Variants in ADARB2 observed in about 807,000 individuals in gnomAD.
ADARB2 encodes inactive double-stranded RNA-specific editase B2.
In ADARB2, 25 loss-of-function variants were observed where a neutral mutation model predicts 62.2. The ratio of observed to expected loss-of-function variants is 0.40; its 90% CI spans 0.29 to 0.56. The LOEUF (loss-of-function observed/expected upper bound fraction) is 0.56. Ranked by LOEUF, ADARB2 falls within the 20% of genes least tolerant of loss-of-function variation. The pLI is 0.43. For missense variants in ADARB2, 1,071 were observed against 1,077.4 expected (o/e 0.99, Z 0.08); for synonymous variants, 572 against 500.8 (o/e 1.14, Z -1.90).
chr10:1,556,628 A>T (rs762536598), intron 1 of ADARB2: 1 of 527,594 alleles, frequency 1.9e-6, no homozygotes, highest in East Asian at 5.5e-5. Context: ...GGATGCCCTG[A>T]TGTCTGTTCT....
intron 3 of ADARB2, among the ~76,000 whole-genome samples, chr10:1,282,568 G>A (rs563912385): frequency 1.3e-5 from 2 of 152,280 alleles, no homozygotes; most frequent in African/African-American, 4.8e-5. Flanking sequence ...TAACACTAGG[G>A]ATGTTTAATG....
chr10:1,663,913 T>G (rs890742356), intron 1 of ADARB2, among the ~76,000 whole-genome samples: 1 of 152,210 alleles, frequency 6.6e-6, no homozygotes, highest in African/African-American at 2.4e-5. Flanking sequence ...CCACCACGCC[T>G]GGCCAGGTCA....
At chr10:1,508,068 G>T (rs1176654075) in intron 1 of ADARB2, among the ~76,000 whole-genome samples, 2 of 152,292 alleles carry the variant, frequency 1.3e-5, no homozygotes, top group African/African-American at 4.8e-5. Context: ...CACAATTCCC[G>T]AGTGGTGCGT....
chr10:1,332,933 G>T (rs1008673150), intron 3 of ADARB2, among the ~76,000 whole-genome samples: 8 of 152,066 alleles, frequency 5.3e-5, no homozygotes, highest in African/African-American at 1.7e-4. Flanking sequence ...CCCCATCCCC[G>T]CAATCAATGG....
intron 7 of ADARB2, among the ~76,000 whole-genome samples, chr10:1,211,245 GTCA>G (rs1170521234): frequency 6.6e-6 from 1 of 151,776 alleles, no homozygotes; most frequent in African/African-American, 2.4e-5. Context: ...TCTATTATCT[GTCA>G]TCTGTTATCA....
intron 1 of ADARB2, among the ~76,000 whole-genome samples, chr10:1,416,966 G>A (rs1046101199): frequency 5.3e-5 from 8 of 152,218 alleles, no homozygotes; most frequent in African/African-American, 1.7e-4. Flanking sequence ...CAGACCCCCC[G>A]GCTTAGGAGT....
chr10:1,526,318 G>A (rs1832141366), intron 1 of ADARB2, among the ~76,000 whole-genome samples: 2 of 152,044 alleles, frequency 1.3e-5, no homozygotes, highest in African/African-American at 4.8e-5. Flanking sequence ...TGTAGAGGAG[G>A]CAAGGAGCTG....
chr10:1,570,877 C>T (rs146576998), intron 1 of ADARB2, among the ~76,000 whole-genome samples: 8 of 152,096 alleles, frequency 5.3e-5, no homozygotes, highest in East Asian at 1.9e-4. Context: ...TCCTGGAAAC[C>T]GGAGGACTTG....
At chr10:1,543,507 G>A (rs574772448) in intron 1 of ADARB2, among the ~76,000 whole-genome samples, 1 of 152,190 alleles carries the variant, frequency 6.6e-6, no homozygotes, top group Non-Finnish European at 1.5e-5. Context: ...GGACAATTTA[G>A]ACATTGCAGT....
chr10:1,555,724 C>G (rs1163627242), intron 1 of ADARB2, among the ~76,000 whole-genome samples: 1 of 152,216 alleles, frequency 6.6e-6, no homozygotes, highest in Admixed American at 6.5e-5. Context: ...CACCTGAGGT[C>G]AGGAGTTCGA....
chr10:1,527,770 G>A (rs979240544), intron 1 of ADARB2, among the ~76,000 whole-genome samples: 2 of 152,148 alleles, frequency 1.3e-5, no homozygotes, highest in Admixed American at 1.3e-4. Context: ...CAGGAGAGCC[G>A]TCCAGCGTGA....
At chr10:1,400,393 G>A (rs904049302) in intron 1 of ADARB2, among the ~76,000 whole-genome samples, 2 of 152,216 alleles carry the variant, frequency 1.3e-5, no homozygotes, top group African/African-American at 4.8e-5. Context: ...ACACATCGTG[G>A]TGAATCGCTG....
At chr10:1,706,542 G>A (rs1834892075) in intron 1 of ADARB2, among the ~76,000 whole-genome samples, 1 of 152,316 alleles carries the variant, frequency 6.6e-6, no homozygotes. Context: ...TCCAAATGGT[G>A]TTCCAGGAGA....
At chr10:1,411,123 G>A (rs556654173) in intron 1 of ADARB2, among the ~76,000 whole-genome samples, 30 of 152,298 alleles carry the variant, frequency 2.0e-4, no homozygotes, top group Middle Eastern at 6.8e-3. Flanking sequence ...ATCCAGACAC[G>A]GCCTTAGCTT....
intron 1 of ADARB2, among the ~76,000 whole-genome samples, chr10:1,583,515 A>C (rs1833134193): frequency 6.6e-6 from 1 of 152,224 alleles, no homozygotes; most frequent in Non-Finnish European, 1.5e-5. Flanking sequence ...CCCAAGTCAG[A>C]TGCTTAGGTA....
At chr10:1,685,906 G>A (rs1834591525) in intron 1 of ADARB2, among the ~76,000 whole-genome samples, 1 of 152,208 alleles carries the variant, frequency 6.6e-6, no homozygotes, top group African/African-American at 2.4e-5. Flanking sequence ...GGCGGACGTG[G>A]CTGGGTGGCC....
At chr10:1,616,758 C>T (rs1472807168) in intron 1 of ADARB2, among the ~76,000 whole-genome samples, 1 of 148,122 alleles carries the variant, frequency 6.8e-6, no homozygotes, top group African/African-American at 2.5e-5. Flanking sequence ...CTCCACACTG[C>T]CCTGCTGAGC....
intron 3 of ADARB2, among the ~76,000 whole-genome samples, chr10:1,278,422 C>G (rs573417939): frequency 6.6e-6 from 1 of 151,560 alleles, no homozygotes; most frequent in Non-Finnish European, 1.5e-5. Flanking sequence ...TTCTCAACCC[C>G]CTCCCTCCCC....
chr10:1,223,236 A>C (rs1830711226), intron 6 of ADARB2, among the ~76,000 whole-genome samples: 1 of 152,224 alleles, frequency 6.6e-6, no homozygotes, highest in East Asian at 1.9e-4. Flanking sequence ...TTGGTGTATA[A>C]GAATGCTTGT....
Sources: gnomAD v4.1 joint callset for allele counts (sites outside exome capture counted in the v4.1 genomes callset) on GRCh38, gnomAD v4.1.1 for gene constraint, MANE v1.5 for transcripts, NCBI Gene and HGNC (gene_info 2026-07-23, HGNC 2026-07-21) for gene names.